Variants in CD34 observed in about 807,000 individuals in gnomAD.
The protein encoded by CD34 is hematopoietic progenitor cell antigen CD34.
A neutral mutation model predicts 40.1 loss-of-function variants in CD34; 34 were observed. The observed-to-expected ratio is 0.85, with a 90% confidence interval of 0.65 to 1.13. The LOEUF (loss-of-function observed/expected upper bound fraction) is 1.13, where lower values mean the gene tolerates loss of function less well. Ranked by LOEUF, CD34 falls within the 50% of genes most tolerant of loss-of-function variation. The pLI, the probability that CD34 is intolerant of heterozygous loss-of-function variation, is 0.00. For synonymous variants in CD34, 209 were observed against 190.0 expected, an observed-to-expected ratio of 1.10 and a Z score of -0.82; for missense variants, 426 against 466.9, an observed-to-expected ratio of 0.91 and a Z score of 0.81.
intron 1 of CD34, among the ~76,000 whole-genome samples, chr1:207,901,150 G>A (rs1662265081): frequency 6.6e-6 from 1 of 152,032 alleles, no homozygotes; most frequent in African/African-American, 2.4e-5. Context: ...GATTACAGAT[G>A]TTACTCACCA....
chr1:207,881,896 A>G lies in CD34; in HGVS notation c.*5842T>C, dbSNP rs1054026741. 10 of 152,224 alleles carry G rather than the reference A, an allele frequency of 6.6e-5. No homozygotes were observed. The highest frequency in any genetic ancestry group is 2.4e-4 in the African/African-American group (10 of 41,470). The allele number at this position is 152,224 out of a possible 1,614,324, so 9.4% of individuals were successfully genotyped here. A position where few individuals can be genotyped will look rare whatever the true frequency, so the allele number is the denominator to read the frequency against. On this transcript the variant is annotated 3_prime_UTR_variant, in exon 8 of 8. Coordinates refer to ENST00000310833, the MANE Select transcript of CD34 (RefSeq NM_001025109.2). ...CAATTTTAATTTTTGAAACAGTAAT[A>G]ATTGATAGATGTAACTTTCAAAATC...
chr1:207,892,756 G>C (rs1273343363), intron 4 of CD34, among the ~76,000 whole-genome samples: 1 of 152,086 alleles, frequency 6.6e-6, no homozygotes, highest in Non-Finnish European at 1.5e-5. Context: ...TGACTAGATT[G>C]TAAGACTCCT....
chr1:207,907,673 T>C (rs1272299575), intron 1 of CD34, among the ~76,000 whole-genome samples: 2 of 152,232 alleles, frequency 1.3e-5, no homozygotes, highest in Non-Finnish European at 2.9e-5. Context: ...AGTACACCTT[T>C]ATATGCATCC....
intron 1 of CD34, among the ~76,000 whole-genome samples, chr1:207,903,481 T>C (rs192479899): frequency 3.1e-4 from 48 of 152,382 alleles, no homozygotes; most frequent in Non-Finnish European, 6.3e-4. Context: ...AGCTCTCTTC[T>C]GTTGTTTACT....
Position 207,897,497 on chromosome 1 carries a change from C to T in CD34, c.593G>A (p.Ser198Asn), listed in dbSNP as rs1384257658. Residue 198 changes from serine to asparagine, a missense_variant, in exon 4 of 8, where the codon AGC becomes AAC. Transcript: ENST00000310833. ...GICLEQNKTSSCAEFKKDRGE... is the reference protein window; with the variant it reads ...GICLEQNKTSNCAEFKKDRGE... ...TTGGGTGGGGGGTTGACTTACACAG[C>T]TGGAGGTCTTATTTTGCTCCAGGCA... 4.5e-6 allele frequency: 7 copies of T among 1,557,358 alleles called. No homozygotes were observed. Among genetic ancestry groups the T allele is most frequent in the Non-Finnish European group, 5.2e-6 (6 of 1,148,814 alleles).
intron 1 of CD34, among the ~76,000 whole-genome samples, chr1:207,902,742 GACAA>G (rs1157056794): frequency 1.3e-5 from 2 of 152,158 alleles, no homozygotes; most frequent in East Asian, 3.9e-4. Context: ...CCTTCACCTA[GACAA>G]ACACTTTTGA....
In CD34 at chr1:207,897,520, G is replaced by A. The variant is rs1662174701; in HGVS notation, c.570C>T (p.Cys190=). The A allele has an allele frequency of 2.6e-6, 4 of 1,560,178 alleles. No homozygotes were observed. In the East Asian group the frequency reaches 9.5e-5, roughly 37 times the overall value. The change falls in exon 4 of 8, where the codon TGC becomes TGT. Residue 190 remains cysteine, a synonymous_variant. Transcript: ENST00000310833. ...IREVKLTQGI[C]LEQNKTSSCA... is the part of the protein sequence containing the mutation. ...AGCTGGAGGTCTTATTTTGCTCCAG[G>A]CAGATGCCCTGAGTCAATTTCACTT... is the stretch of plus-strand genomic sequence containing the variant.
In CD34 at chr1:207,899,860, C is replaced by G; in HGVS notation, c.223G>C (p.Val75Leu). Reference sequence around the variant, plus strand: ...GTGGCCTCATTGCCATGTTGAGACACAGGGTGCAGGCTGGTACTTCCAAGG... The same window carrying G: ...GTGGCCTCATTGCCATGTTGAGACAGAGGGTGCAGGCTGGTACTTCCAAGG... ...STLGSTSLHP[V>L]SQHGNEATTN... Residue 75 changes from valine (V) to leucine (L), a missense_variant, in exon 2 of 8, where the codon GTG becomes CTG. Coordinates refer to ENST00000310833, the MANE Select transcript of CD34 (RefSeq NM_001025109.2). 1 of 1,612,884 alleles carries G rather than the reference C, an allele frequency of 6.2e-7. No homozygotes were observed. Among genetic ancestry groups the G allele is most frequent in the Non-Finnish European group, 8.5e-7 (1 of 1,179,536 alleles).
chr1:207,910,256 G>T (rs2102309351), intron 1 of CD34, among the ~76,000 whole-genome samples: 1 of 152,254 alleles, frequency 6.6e-6, no homozygotes, highest in East Asian at 1.9e-4. Context: ...ACTCCAAAAG[G>T]TGACAAGTTT....
rs1466556625 is a variant in CD34 at position 207,882,853 on chromosome 1, A to G, written c.*4885T>C. ...CCTGGGAAGCCTTCCATGGTCTTCCACGGCTTCCATGCCCCTCCCACTCAG... is the reference window on the plus strand; with the variant it reads ...CCTGGGAAGCCTTCCATGGTCTTCCGCGGCTTCCATGCCCCTCCCACTCAG... On this transcript the variant is annotated 3_prime_UTR_variant, in exon 8 of 8. Transcript: ENST00000310833. 1 of 152,110 alleles carries G rather than the reference A, an allele frequency of 6.6e-6. No homozygotes were observed. The highest frequency in any genetic ancestry group is 1.9e-4 in the East Asian group (1 of 5,176). The allele number at this position is 152,110 out of a possible 1,614,324, so 9.4% of individuals were successfully genotyped here. A position where few individuals can be genotyped will look rare whatever the true frequency, so the allele number is the denominator to read the frequency against.
intron 1 of CD34, among the ~76,000 whole-genome samples, chr1:207,909,467 G>A (rs1314157968): frequency 6.6e-6 from 1 of 152,160 alleles, no homozygotes; most frequent in African/African-American, 2.4e-5. Context: ...GGAGTGCAGT[G>A]CCAGGATCTT....
intron 1 of CD34, among the ~76,000 whole-genome samples, chr1:207,903,261 G>T (rs1247637700): frequency 6.6e-6 from 1 of 152,094 alleles, no homozygotes; most frequent in Non-Finnish European, 1.5e-5. Context: ...CACATCCATG[G>T]CATTAAACCA....
chr1:207,892,367 C>T (rs970798067), intron 4 of CD34, among the ~76,000 whole-genome samples: 8 of 152,106 alleles, frequency 5.3e-5, no homozygotes, highest in African/African-American at 1.9e-4. Context: ...CAGATGAGGC[C>T]AAGGGTTCGA....
At chr1:207,896,730 AT>A (rs987824110) in intron 4 of CD34, among the ~76,000 whole-genome samples, 7 of 151,684 alleles carry the variant, frequency 4.6e-5, no homozygotes, top group East Asian at 1.9e-4. Flanking sequence ...ATTTTAAAGC[AT>A]TTTTTTTGCA....
rs1203645003 is a variant in CD34 at position 207,910,985 on chromosome 1, G to A, written c.79+17C>T. ...CGCGGCGAAGCCAAGCGGCCGCGGC[G>A]CGCGGGCGGTACTCACGCAGCAAAC... On this transcript the variant is annotated intron_variant, in intron 1 of 7. Coordinates refer to ENST00000310833, the MANE Select transcript of CD34 (RefSeq NM_001025109.2). 2 of 1,566,376 alleles carry A rather than the reference G, an allele frequency of 1.3e-6. No individual in the cohort carries two copies. The highest frequency in any genetic ancestry group is 1.7e-6 in the Non-Finnish European group (2 of 1,158,750).
In CD34 at chr1:207,881,165, G is replaced by A. The variant is rs1461016690; in HGVS notation, c.*6573C>T. 1 of 152,120 alleles carries A rather than the reference G, an allele frequency of 6.6e-6. No individual in the cohort carries two copies. Among genetic ancestry groups the A allele is most frequent in the Non-Finnish European group, 1.5e-5 (1 of 68,028 alleles). 9.4% of individuals were successfully genotyped at this position (152,120 alleles called of 1,614,324 possible). On this transcript the variant is annotated 3_prime_UTR_variant, in exon 8 of 8. Transcript: ENST00000310833. ...GAAATAGTAACATATCTAGAGCCGC[G>A]GTTCTCAAAGCATGATCCAAGGTCC...
intron 4 of CD34, among the ~76,000 whole-genome samples, chr1:207,897,142 G>T (rs1346354085): frequency 6.6e-6 from 1 of 151,764 alleles, no homozygotes; most frequent in Admixed American, 6.6e-5. Flanking sequence ...TGAGTGAGAA[G>T]GACTTTCTTA....
intron 5 of CD34, 71 bp downstream of exon 5, chr1:207,889,394 C>T: frequency 1.3e-6 from 2 of 1,542,176 alleles, no homozygotes; most frequent in South Asian, 1.2e-5. Context: ...TAAGATGCCC[C>T]ATCTCCACCC....
chr1:207,887,601 G>A lies in CD34; in HGVS notation c.*137C>T, dbSNP rs1661927707. On this transcript the variant is annotated 3_prime_UTR_variant, in exon 8 of 8. Coordinates refer to ENST00000310833, the MANE Select transcript of CD34 (RefSeq NM_001025109.2). ...CCCTCCTCAAGGTGTAGGGCCCCAA[G>A]AACAGCCTCTGAGGTGTGTGCAGTG... 2 of 1,272,326 alleles carry A rather than the reference G, an allele frequency of 1.6e-6. No homozygotes were observed. Among genetic ancestry groups the A allele is most frequent in the African/African-American group, 3.0e-5 (2 of 67,302 alleles). 78.8% of individuals were successfully genotyped at this position (1,272,326 alleles called of 1,614,324 possible). A position where few individuals can be genotyped will look rare whatever the true frequency, so the allele number is the denominator to read the frequency against.
Sources: allele counts gnomAD v4.1 joint callset (sites outside exome capture counted in the v4.1 genomes callset), GRCh38; gene constraint gnomAD v4.1.1; transcripts MANE v1.5; gene names NCBI Gene and HGNC (gene_info 2026-07-23, HGNC 2026-07-21).